RANBP2: variants seen among roughly 807,000 people sequenced by gnomAD.
The protein encoded by RANBP2 is RAN binding protein 2.
A neutral mutation model predicts 303.6 loss-of-function variants in RANBP2; 57 were observed. That is an observed-to-expected ratio of 0.19 (90% CI 0.15 to 0.23). The LOEUF (loss-of-function observed/expected upper bound fraction) is 0.23, where lower values mean the gene tolerates loss of function less well. Ranked by LOEUF, RANBP2 falls within the 10% of genes least tolerant of loss-of-function variation. The pLI is 1.00. For synonymous variants in RANBP2, 1,167 were observed against 1,301.5 expected (o/e 0.90, Z 2.23); for missense variants, 3,138 against 3,780.8 (o/e 0.83, Z 4.46).
chr2:109,055,515 C>A, the RANBP2 span, among the ~76,000 whole-genome samples: 2 of 149,808 alleles, frequency 1.3e-5, no homozygotes, highest in African/African-American at 4.9e-5. Context: ...TGCATGCCAC[C>A]GTGTCCGGCT....
the RANBP2 span, among the ~76,000 whole-genome samples, chr2:109,452,876 AGGAGGCTGGTCCCAGGAGGCTGGTCCCG>A: frequency 2.0e-5 from 2 of 99,778 alleles, no homozygotes; most frequent in East Asian, 2.9e-4. Context: ...GGCTGGTGCC[AGGAGGCTGGTCCCAGGAGGCTGGTCCCG>A]GGAGGCTGGT....
At chr2:108,901,703 A>C in the RANBP2 span, among the ~76,000 whole-genome samples, 1 of 152,236 alleles carries the variant, frequency 6.6e-6, no homozygotes, top group Non-Finnish European at 1.5e-5. Flanking sequence ...GATAACTTAG[A>C]TGAAAATAAA....
the RANBP2 span, chr2:108,896,719 C>G: frequency 1.2e-4 from 74 of 621,336 alleles, no homozygotes; most frequent in Non-Finnish European, 1.9e-4. Flanking sequence ...TATCCCGGCT[C>G]TAGTCCTTTA....
At chr2:109,288,101 T>C in the RANBP2 span, among the ~76,000 whole-genome samples, 1 of 152,232 alleles carries the variant, frequency 6.6e-6, no homozygotes, top group African/African-American at 2.4e-5. Context: ...TGAAGTTGTC[T>C]TGTTTGCCCA....
At chr2:109,347,969 G>A in the RANBP2 span, 1 of 1,581,302 alleles carries the variant, frequency 6.3e-7, no homozygotes, top group Non-Finnish European at 8.6e-7. Flanking sequence ...GCCCCGGGGT[G>A]GGCCCCGCCA....
chr2:109,052,793 C>G, the RANBP2 span, among the ~76,000 whole-genome samples: 1 of 152,170 alleles, frequency 6.6e-6, no homozygotes, highest in East Asian at 1.9e-4. Context: ...AGCCACCCGG[C>G]CCGGCCTGTC....
the RANBP2 span, among the ~76,000 whole-genome samples, chr2:109,427,291 G>T: frequency 6.6e-6 from 1 of 151,384 alleles, no homozygotes; most frequent in African/African-American, 2.5e-5. Context: ...TCTTAATTAA[G>T]GTACTTACAT....
At chr2:109,282,164 A>G in the RANBP2 span, among the ~76,000 whole-genome samples, 2 of 151,944 alleles carry the variant, frequency 1.3e-5, no homozygotes, top group Non-Finnish European at 1.5e-5. Context: ...GATGATGGAT[A>G]GCAGCTATTT....
the RANBP2 span, among the ~76,000 whole-genome samples, chr2:109,271,469 C>G: frequency 1.3e-5 from 2 of 152,242 alleles, no homozygotes; most frequent in African/African-American, 4.8e-5. Flanking sequence ...TATTGCTGTT[C>G]ACTTTCCCGT....
chr2:109,460,538 A>G, the RANBP2 span, among the ~76,000 whole-genome samples: 1 of 152,196 alleles, frequency 6.6e-6, no homozygotes, highest in Non-Finnish European at 1.5e-5. Flanking sequence ...AATGACAGGA[A>G]TGGCTGAGGA....
the RANBP2 span, among the ~76,000 whole-genome samples, chr2:109,392,511 T>G: frequency 1.9e-3 from 285 of 152,004 alleles, 2 homozygotes; most frequent in East Asian, 0.012. Context: ...GCCCCTTGCT[T>G]CTTCTTTTTT....
At chr2:109,491,869 C>T in the RANBP2 span, among the ~76,000 whole-genome samples, 2 of 152,216 alleles carry the variant, frequency 1.3e-5, no homozygotes, top group Non-Finnish European at 2.9e-5. Flanking sequence ...GCCTGCAACC[C>T]GGGAAGGCAG....
the RANBP2 span, among the ~76,000 whole-genome samples, chr2:109,415,096 A>G: frequency 1.3e-5 from 2 of 152,040 alleles, no homozygotes; most frequent in African/African-American, 4.8e-5. Context: ...CTTGCCTTAA[A>G]GTGGAGGGGA....
the RANBP2 span, among the ~76,000 whole-genome samples, chr2:109,364,210 T>C: frequency 2.7e-3 from 412 of 151,886 alleles, 2 homozygotes; most frequent in African/African-American, 9.5e-3. Context: ...ATGGTGGAGG[T>C]TTCTATTGAG....
At chr2:109,061,540 T>C in the RANBP2 span, among the ~76,000 whole-genome samples, 1 of 152,166 alleles carries the variant, frequency 6.6e-6, no homozygotes, top group African/African-American at 2.4e-5. Flanking sequence ...AGGGAGACAC[T>C]GAGGTTTCCT....
At chr2:108,857,203 C>G in the RANBP2 span, among the ~76,000 whole-genome samples, 2 of 149,236 alleles carry the variant, frequency 1.3e-5, no homozygotes, top group East Asian at 2.0e-4. Context: ...CTCAGCCTCC[C>G]GAGTAGCTGG....
the RANBP2 span, among the ~76,000 whole-genome samples, chr2:109,525,612 G>A: frequency 6.6e-6 from 1 of 152,212 alleles, no homozygotes; most frequent in Non-Finnish European, 1.5e-5. Flanking sequence ...GGCATTCAGG[G>A]CAGGATGGAA....
chr2:109,626,148 A>G, the RANBP2 span, among the ~76,000 whole-genome samples: 1 of 152,094 alleles, frequency 6.6e-6, no homozygotes, highest in African/African-American at 2.4e-5. Context: ...TGTTTCTTGA[A>G]CTCATTGACA....
chr2:109,527,984 G>A, the RANBP2 span, among the ~76,000 whole-genome samples: 4 of 152,326 alleles, frequency 2.6e-5, no homozygotes, highest in Non-Finnish European at 5.9e-5. Flanking sequence ...GCAGCCAGGC[G>A]GGAGGACGGG....
Sources: allele counts gnomAD v4.1 joint callset (sites outside exome capture counted in the v4.1 genomes callset), GRCh38; gene constraint gnomAD v4.1.1; transcripts MANE v1.5; gene names NCBI Gene and HGNC (gene_info 2026-07-23, HGNC 2026-07-21).